SPATA9: variants seen among roughly 807,000 people sequenced by gnomAD.
The protein encoded by SPATA9 is spermatogenesis-associated protein 9.
Under a neutral mutation model 25.5 loss-of-function variants are expected in SPATA9, and 27 were observed. The observed-to-expected ratio is 1.06, with a 90% confidence interval of 0.78 to 1.46. The LOEUF is 1.46. Ranked by LOEUF, SPATA9 falls within the 40% of genes most tolerant of loss-of-function variation. The pLI, the probability that SPATA9 is intolerant of heterozygous loss-of-function variation, is 0.00. For synonymous variants in SPATA9, 102 were observed against 105.7 expected, an observed-to-expected ratio of 0.97 and a Z score of 0.21; for missense variants, 282 against 297.5, an observed-to-expected ratio of 0.95 and a Z score of 0.38.
chr5:95,654,068 C>T, downstream of SPATA9: 1 of 1,607,550 alleles, frequency 6.2e-7, no homozygotes. Flanking sequence ...TAGCATGAAT[C>T]TTGATGGCTC....
At chr5:95,690,664 G>A (rs1753858613) in intron 1 of SPATA9, among the ~76,000 whole-genome samples, 1 of 152,054 alleles carries the variant, frequency 6.6e-6, no homozygotes. Context: ...CTAATGTAAT[G>A]CAATATGAAG....
chr5:95,728,809 C>A, the SPATA9 span, among the ~76,000 whole-genome samples: 1 of 152,152 alleles, frequency 6.6e-6, no homozygotes, highest in African/African-American at 2.4e-5. Flanking sequence ...TCACAAAGAC[C>A]TTGCTGATAA....
chr5:95,652,808 C>T (rs1390575548), downstream of SPATA9: 4 of 343,946 alleles, frequency 1.2e-5, no homozygotes, highest in Non-Finnish European at 2.1e-5. Context: ...ACAGCATCAA[C>T]CCCCTGCGGC....
intron 3 of SPATA9, among the ~76,000 whole-genome samples, chr5:95,668,742 T>A (rs1752062901): frequency 2.0e-5 from 3 of 152,238 alleles, no homozygotes; most frequent in Non-Finnish European, 2.9e-5. Flanking sequence ...TTAATTCAAC[T>A]TTTTCCACAG....
the SPATA9 span, chr5:95,731,814 G>A: frequency 5.0e-6 from 8 of 1,600,138 alleles, no homozygotes; most frequent in Non-Finnish European, 6.8e-6. Context: ...AGACCCGCGC[G>A]CTGACCGTGC....
chr5:95,705,033 C>T, the SPATA9 span, among the ~76,000 whole-genome samples: 1 of 152,214 alleles, frequency 6.6e-6, no homozygotes, highest in South Asian at 2.1e-4. Context: ...CAGCCTCAAC[C>T]TCCCAGGCTC....
At chr5:95,718,396 A>G in the SPATA9 span, among the ~76,000 whole-genome samples, 1 of 152,224 alleles carries the variant, frequency 6.6e-6, no homozygotes, top group African/African-American at 2.4e-5. Context: ...TTGAATTTTG[A>G]CTGGAGGAAA....
rs80176446 is a variant in SPATA9 at position 95,671,099 on chromosome 5, G to A, written c.378+4313C>T. Among the ~76,000 whole-genome samples, 63 of 152,182 alleles carry A rather than the reference G, an allele frequency of 4.1e-4. No individual in the cohort carries two copies. The East Asian group carries it at 0.012, about 28-fold the overall frequency. ...TGTTCTCCAAATAAGTCATGTTCTC[G>A]CTCACCTCAGTATCTTCATATATAC... On this transcript the variant is annotated intron_variant, in intron 3 of 4. Transcript: ENST00000274432.
At chr5:95,731,877 G>T in the SPATA9 span, 20 of 1,612,932 alleles carry the variant, frequency 1.2e-5, no homozygotes, top group Non-Finnish European at 1.6e-5. Flanking sequence ...ACATCGTGGC[G>T]CTGGGGAACG....
At chr5:95,722,676 G>C in the SPATA9 span, among the ~76,000 whole-genome samples, 2 of 152,176 alleles carry the variant, frequency 1.3e-5, no homozygotes, top group Admixed American at 6.5e-5. Context: ...TTTTAGTAGA[G>C]GCAGGGTTTC....
the SPATA9 span, among the ~76,000 whole-genome samples, chr5:95,715,826 T>G: frequency 6.6e-6 from 1 of 152,150 alleles, no homozygotes; most frequent in Non-Finnish European, 1.5e-5. Flanking sequence ...GTAACAGATA[T>G]AGCTAACAAA....
At chr5:95,694,734 G>T (rs1753973026) in intron 1 of SPATA9, among the ~76,000 whole-genome samples, 1 of 152,140 alleles carries the variant, frequency 6.6e-6, no homozygotes, top group South Asian at 2.1e-4. Context: ...TGAAGAATAT[G>T]CCACTTCAAA....
chr5:95,723,638 CAATACA>C, the SPATA9 span, among the ~76,000 whole-genome samples: 7 of 152,266 alleles, frequency 4.6e-5, no homozygotes, highest in East Asian at 1.3e-3. Context: ...TTAGTTAAAA[CAATACA>C]AATACATTTT....
At chr5:95,731,025 C>G in the SPATA9 span, 21 of 894,302 alleles carry the variant, frequency 2.3e-5, no homozygotes, top group Non-Finnish European at 3.2e-5. Context: ...CATCGCCCCA[C>G]CCCCCTTTCC....
the SPATA9 span, chr5:95,708,591 A>G: frequency 1.4e-6 from 1 of 696,398 alleles, no homozygotes; most frequent in Non-Finnish European, 2.6e-6. Context: ...GGTGATTCCC[A>G]GGACAGAGGT....
chr5:95,715,339 AT>A, the SPATA9 span, among the ~76,000 whole-genome samples: 1 of 151,514 alleles, frequency 6.6e-6, no homozygotes, highest in Non-Finnish European at 1.5e-5. Context: ...AAAAAAAAAA[AT>A]TATGTAAGAT....
chr5:95,709,595 C>T, the SPATA9 span, among the ~76,000 whole-genome samples: 70 of 152,306 alleles, frequency 4.6e-4, no homozygotes, highest in African/African-American at 1.6e-3. Context: ...GGTCCATTAT[C>T]AGACCCTATG....
At chr5:95,655,014 C>T (rs1041159052), downstream of SPATA9, among the ~76,000 whole-genome samples, 3 of 152,194 alleles carry the variant, frequency 2.0e-5, no homozygotes, top group African/African-American at 7.2e-5. Context: ...GATTCCAAAA[C>T]TAGTCACCTA....
chr5:95,718,465 G>C, the SPATA9 span, among the ~76,000 whole-genome samples: 2 of 152,198 alleles, frequency 1.3e-5, no homozygotes, highest in African/African-American at 4.8e-5. Context: ...GAAGCTGAGG[G>C]AAGTTCCCCA....
Sources: allele counts gnomAD v4.1 joint callset (sites outside exome capture counted in the v4.1 genomes callset), GRCh38; gene constraint gnomAD v4.1.1; transcripts MANE v1.5; gene names NCBI Gene and HGNC (gene_info 2026-07-23, HGNC 2026-07-21).